FAM151A: variants seen among roughly 807,000 people sequenced by gnomAD.
FAM151A encodes the protein protein FAM151A.
In FAM151A, 41 loss-of-function variants were observed where a neutral mutation model predicts 40.4. The observed-to-expected ratio is 1.01, with a 90% CI of 0.79 to 1.32. The LOEUF (loss-of-function observed/expected upper bound fraction) is 1.32, where lower values mean the gene tolerates loss of function less well. Among genes scored for constraint, FAM151A ranks in the 40% most tolerant of loss-of-function variants. FAM151A has a pLI of 0.00. For missense variants in FAM151A, 740 were observed against 740.4 expected, an observed-to-expected ratio of 1.00 and a Z score of 0.01; for synonymous variants, 337 against 312.5, an observed-to-expected ratio of 1.08 and a Z score of -0.83.
At chr1:54,615,543 TAC>T (rs780271920) in intron 3 of FAM151A, among the ~76,000 whole-genome samples, 39 of 151,898 alleles carry the variant, frequency 2.6e-4, no homozygotes, top group African/African-American at 8.2e-4. Flanking sequence ...CCTGGAGAGA[TAC>T]AGTGTTGCTG....
At position 54,609,315 on chromosome 1, in the gene FAM151A, G is replaced by T. The variant is rs1177278532; in HGVS notation, c.1711C>A (p.Pro571Thr). Residue 571 changes from proline (P) to threonine (T), a missense_variant, in exon 8 of 8, where the codon CCC becomes ACC. Pro to Thr is a conservative substitution (Grantham distance 38). Transcript: ENST00000302250. ...VDRTRVYYRL[P>T]QGYHKDLLAH... The stretch of plus-strand genomic sequence containing the variant: ...AGCAAGTCCTTGTGGTAGCCCTGGG[G>T]TAGCCTGTAGTAGACTCGGGTCCTG... 1.2e-6 allele frequency: 2 copies of T among 1,612,456 alleles called. No individual in the cohort carries two copies. The highest frequency in any genetic ancestry group is 1.7e-6 in the Non-Finnish European group (2 of 1,178,910).
In FAM151A at chr1:54,609,914, G is replaced by A. The variant is rs772135229; in HGVS notation, c.1112C>T (p.Thr371Ile). 16 of 1,608,240 alleles carry A rather than the reference G, an allele frequency of 9.9e-6. No homozygotes were observed. Among genetic ancestry groups the A allele is most frequent in the Non-Finnish European group, 1.3e-5 (15 of 1,179,594 alleles). Reference protein sequence around the residue: ...PDTEGMILLNTGLEGTVAENP... With the variant: ...PDTEGMILLNIGLEGTVAENP... ...TTCAGCCACAGTTCCCTCGAGGCCAGTGTTCAGCAGGATCATGCCTTCTGT... is the reference window on the plus strand; with the variant it reads ...TTCAGCCACAGTTCCCTCGAGGCCAATGTTCAGCAGGATCATGCCTTCTGT... The change falls in exon 8 of 8, where the codon ACT (threonine) becomes ATT (isoleucine). Residue 371 changes from threonine (T) to isoleucine (I), a missense_variant. By Grantham distance (89) the Thr-to-Ile change is moderately conservative. Transcript: ENST00000302250.
At chr1:54,617,549 A>G (rs191623879) in intron 2 of FAM151A, among the ~76,000 whole-genome samples, 1 of 151,518 alleles carries the variant, frequency 6.6e-6, no homozygotes, top group African/African-American at 2.4e-5. Context: ...TGGTCTGTAC[A>G]ATCAGGGCCT....
Position 54,610,336 on chromosome 1 carries a change from CCGG to C in FAM151A, c.1084+73_1084+75del, listed in dbSNP as rs1327296232. On this transcript the variant is annotated intron_variant, in intron 7 of 7. Transcript: ENST00000302250. ...ACCTGTGTTGCCATGGCAACAGAGA[CCGG>C]CGGTACCTGCCCCAAGCAAAGGACA... 4 of 1,563,426 alleles carry C rather than the reference CCGG, an allele frequency of 2.6e-6. No homozygotes were observed. The Admixed American group carries it at 5.6e-5, about 22-fold the overall frequency.
At chr1:54,614,981 G>T in intron 3 of FAM151A, 122 bp from the exon 4 acceptor site, 1 of 972,098 alleles carries the variant, frequency 1.0e-6, no homozygotes, top group Non-Finnish European at 1.5e-6. Flanking sequence ...GGAGTCAGGG[G>T]AGGGCGGAAG....
Position 54,611,667 on chromosome 1 carries a change from A to C in FAM151A, c.879T>G (p.Ala293=). 6.2e-7 allele frequency: 1 copy of C among 1,614,094 alleles called. No homozygotes were observed. Among genetic ancestry groups the C allele is most frequent in the Non-Finnish European group, 8.5e-7 (1 of 1,179,986 alleles). Residue 293 remains alanine (A), a synonymous_variant, in exon 6 of 8, where the codon GCT becomes GCG. Transcript: ENST00000302250. ...AGATGTCATAGTAGACTTGGTGGAC[A>C]GCAGTGTTATCCCGGACGTAGAGCA... ...EDLLYVRDNT[A]VHQVYYDIFE... is the part of the protein sequence containing the mutation.
At chr1:54,613,294 G>A (rs1252668702) in intron 4 of FAM151A, among the ~76,000 whole-genome samples, 1 of 151,988 alleles carries the variant, frequency 6.6e-6, no homozygotes, top group Non-Finnish European at 1.5e-5. Flanking sequence ...CAGGAAAATC[G>A]CTTGAACCCA....
intron 2 of FAM151A, among the ~76,000 whole-genome samples, chr1:54,619,149 G>C (rs1177616904): frequency 2.0e-5 from 3 of 152,166 alleles, no homozygotes; most frequent in African/African-American, 7.2e-5. Flanking sequence ...CTTGAGGGTG[G>C]GGCCAGCAGC....
chr1:54,622,519 A>C lies in FAM151A; in HGVS notation c.118+759T>G, dbSNP rs576404526. 5.3e-5 allele frequency among the ~76,000 whole-genome samples: 8 copies of C among 152,082 alleles called. No homozygotes were observed. The South Asian group carries it at 1.7e-3, about 32-fold the overall frequency. ...CTTGAACCTGGGAGGCGGAGGTTGCAGTGAGCCAAGATCACACTCCAGCCT... is the reference window on the plus strand; with the variant it reads ...CTTGAACCTGGGAGGCGGAGGTTGCCGTGAGCCAAGATCACACTCCAGCCT... On this transcript the variant is annotated intron_variant, in intron 1 of 7. Transcript: ENST00000302250.
intron 2 of FAM151A, among the ~76,000 whole-genome samples, chr1:54,619,620 G>A (rs973921850): frequency 6.6e-6 from 1 of 152,178 alleles, no homozygotes. Flanking sequence ...GGGTAGCTGG[G>A]AGGGAGGACA....
Position 54,623,299 on chromosome 1 carries a change from CA to C in FAM151A, c.96del (p.Ala33ProfsTer25). On this transcript the variant is annotated frameshift_variant, in exon 1 of 8. Transcript: ENST00000302250. LOFTEE classifies it high-confidence loss of function. The part of the protein sequence containing the change: ...VSVVVIAAIV[L>X]AITLRRPGCE... ...CTACCTGGCCGCCGCAGGGTGATGG[CA>C]AGGACTATTGCGGCAATGACCACCA... The C allele has an allele frequency of 1.2e-6, 2 of 1,614,004 alleles. No individual in the cohort carries two copies. The highest frequency in any genetic ancestry group is 1.7e-6 in the Non-Finnish European group (2 of 1,179,956).
At position 54,612,483 on chromosome 1, in the gene FAM151A, C is replaced by T; in HGVS notation, c.800+3G>A. On this transcript the variant is annotated splice_donor_region_variant and intron_variant, in intron 5 of 7. Transcript: ENST00000302250. Reference sequence around the variant, plus strand: ...GGGTGGGGGTGGGTTTGGTGGTTTTCACCTCTCAGATTGGCTCAGCAGCCA... The same window carrying T: ...GGGTGGGGGTGGGTTTGGTGGTTTTTACCTCTCAGATTGGCTCAGCAGCCA... The T allele has an allele frequency of 6.2e-7, 1 of 1,612,548 alleles. No homozygotes were observed. The highest frequency in any genetic ancestry group is 2.2e-5 in the East Asian group (1 of 44,804).
rs1268886187 is a variant in FAM151A, at chr1:54,617,474, A to G, written c.263-1302T>C. Among the ~76,000 whole-genome samples the G allele has an allele frequency of 4.6e-5, 7 of 151,928 alleles. No homozygotes were observed. The East Asian group carries it at 1.4e-3, about 29-fold the overall frequency. Reference sequence around the variant, plus strand: ...GTCACTTTCTGTTAAAAAAAAAAAAAAAAAGGCCAGAAAACCTACCCATTG... The same window carrying G: ...GTCACTTTCTGTTAAAAAAAAAAAAGAAAAGGCCAGAAAACCTACCCATTG... On this transcript the variant is annotated intron_variant, in intron 2 of 7. Transcript: ENST00000302250.
intron 3 of FAM151A, 83 bp downstream of exon 3, chr1:54,615,937 G>T: frequency 6.9e-7 from 1 of 1,440,780 alleles, no homozygotes; most frequent in East Asian, 2.4e-5. Context: ...GGCTGGACTT[G>T]CTTCCCAGTG....
At position 54,609,519 on chromosome 1, in the gene FAM151A, C is replaced by G. The variant is rs759408794; in HGVS notation, c.1507G>C (p.Gly503Arg). ...TGGAAGGACACAGGTTGCCAGAGCC[C>G]CTGGCACAACTCTAGCATATCTGTG... ...LLTDMLELCQ[G>R]LWQPVSFQMQ... Residue 503 changes from glycine (G) to arginine (R), a missense_variant, in exon 8 of 8, where the codon GGG becomes CGG. Transcript: ENST00000302250. 1.4e-5 allele frequency: 23 copies of G among 1,613,096 alleles called. No homozygotes were observed. In the South Asian group the frequency reaches 2.1e-4, roughly 15 times the overall value.
intron 2 of FAM151A, among the ~76,000 whole-genome samples, chr1:54,618,421 C>G (rs977498434): frequency 6.6e-6 from 1 of 152,180 alleles, no homozygotes; most frequent in Non-Finnish European, 1.5e-5. Context: ...GGAAGAATCA[C>G]TTGAACCTGG....
rs767625864 is a variant in FAM151A, at chr1:54,620,845, C to CAAAAAAAAAA, written c.119-848_119-839dup. Among the ~76,000 whole-genome samples the CAAAAAAAAAA allele has an allele frequency of 2.1e-3, 25 of 12,130 alleles. 7 individuals carry two copies. Among genetic ancestry groups the CAAAAAAAAAA allele is most frequent in the Non-Finnish European group, 3.5e-3 (23 of 6,666 alleles). The allele number at this position is 12,130 out of a possible 152,430, so 8.0% of individuals were successfully genotyped here. A position where few individuals can be genotyped will look rare whatever the true frequency, so the allele number is the denominator to read the frequency against. ...CCTGGATGACACAAAGAGACTCTGTCAAAAAAAAAAAAAAAAAAAAAAAAA... is the reference window on the plus strand; with the variant it reads ...CCTGGATGACACAAAGAGACTCTGTCAAAAAAAAAAAAAAAAAAAAAAAAAAAAAAAAAAA... On this transcript the variant is annotated intron_variant, in intron 1 of 7. Transcript: ENST00000302250.
Position 54,616,048 on chromosome 1 carries a change from C to T in FAM151A, c.387G>A (p.Leu129=), listed in dbSNP as rs773818587. The T allele has an allele frequency of 3.1e-6, 5 of 1,614,030 alleles. No individual in the cohort carries two copies. The South Asian group carries it at 4.4e-5, about 14-fold the overall frequency. The change falls in exon 3 of 8, where the codon CTG becomes CTA. Residue 129 remains leucine (L), a synonymous_variant. Coordinates refer to ENST00000302250, the MANE Select transcript of FAM151A (RefSeq NM_176782.3). ...TTTGGGAAGAGCCCAGCACAGCGTC[C>T]AGCCACTGCTCCAGTGTGTTGTCAC... ...IYSDNTLEQW[L]DAVLGSSQKG... is the part of the protein sequence containing the mutation.
chr1:54,610,104 T>C (rs535219532), intron 7 of FAM151A, 163 bp from the exon 8 acceptor site: 3 of 1,433,904 alleles, frequency 2.1e-6, no homozygotes, highest in Non-Finnish European at 2.7e-6. Context: ...GGTTGCTTTA[T>C]AAATGTGCCT....
Sources: gnomAD v4.1 joint callset for allele counts (sites outside exome capture counted in the v4.1 genomes callset) on GRCh38, gnomAD v4.1.1 for gene constraint, MANE v1.5 for transcripts, NCBI Gene and HGNC (gene_info 2026-07-23, HGNC 2026-07-21) for gene names.